Variants in SLC25A18 observed in about 807,000 individuals in gnomAD.
SLC25A18 encodes the protein solute carrier family 25 member 18.
A neutral mutation model predicts 31.1 loss-of-function variants in SLC25A18; 24 were observed. That is an observed-to-expected ratio of 0.77 (90% confidence interval 0.56 to 1.08). The LOEUF (loss-of-function observed/expected upper bound fraction) is 1.08, where lower values mean the gene tolerates loss of function less well. Ranked by LOEUF, SLC25A18 falls within the 50% of genes least tolerant of loss-of-function variation. The pLI, the probability that SLC25A18 is intolerant of heterozygous loss-of-function variation, is 0.00. For synonymous variants in SLC25A18, 173 were observed against 161.9 expected (o/e 1.07, Z -0.52); for missense variants, 371 against 418.5 (o/e 0.89, Z 0.99).
intron 8 of SLC25A18, 128 bp from the exon 9 acceptor site, chr22:17,587,797 A>C: frequency 8.6e-7 from 1 of 1,162,962 alleles, no homozygotes; most frequent in Non-Finnish European, 1.2e-6. Flanking sequence ...GGGGCACAAA[A>C]GAAGGGATGA....
At chr22:17,575,292 C>G (rs416422) in intron 2 of SLC25A18, among the ~76,000 whole-genome samples, 58,402 of 152,006 alleles carry the variant, frequency 0.38, 11,651 homozygotes, top group African/African-American at 0.47. Context: ...ATTTATTAAG[C>G]ACTCTTTGGT....
chr22:17,575,427 T>C (rs1026177669), intron 2 of SLC25A18, among the ~76,000 whole-genome samples: 5 of 152,082 alleles, frequency 3.3e-5, no homozygotes, highest in Non-Finnish European at 5.9e-5. Flanking sequence ...AAGGCAGAAG[T>C]CTCTCCCGCC....
intron 6 of SLC25A18, 120 bp downstream of exon 6, chr22:17,582,773 C>T (rs1283548792): frequency 2.4e-6 from 2 of 849,436 alleles, no homozygotes; most frequent in African/African-American, 1.7e-5. Flanking sequence ...TATGTGCACA[C>T]ATGGCTGAGG....
At chr22:17,589,403 C>T (rs1345188683) in intron 9 of SLC25A18, among the ~76,000 whole-genome samples, 187 bp from the exon 10 acceptor site, 1 of 151,996 alleles carries the variant, frequency 6.6e-6, no homozygotes, top group Non-Finnish European at 1.5e-5. Flanking sequence ...GTCTCAAACT[C>T]CTGACCTTGT....
chr22:17,578,670 C>CCT (rs1473904796), intron 2 of SLC25A18, among the ~76,000 whole-genome samples: 1 of 152,230 alleles, frequency 6.6e-6, no homozygotes, highest in Non-Finnish European at 1.5e-5. Flanking sequence ...GTGGCTCACA[C>CCT]CTGTAATCCC....
In SLC25A18 at chr22:17,582,655, T is replaced by C; in HGVS notation, c.290+2T>C. The C allele has an allele frequency of 6.3e-7, 1 of 1,597,842 alleles. No individual in the cohort carries two copies. The highest frequency in any genetic ancestry group is 8.5e-7 in the Non-Finnish European group (1 of 1,171,482). ...CCGGCGGCTGCTCATGGAAGATGGGTATGGCCAGGTGGGGTGGGGTTGGAT... is the reference window on the plus strand; with the variant it reads ...CCGGCGGCTGCTCATGGAAGATGGGCATGGCCAGGTGGGGTGGGGTTGGAT... On this transcript the variant is annotated splice_donor_variant, in intron 6 of 10. Coordinates refer to ENST00000327451, the MANE Select transcript of SLC25A18 (RefSeq NM_031481.3). LOFTEE classifies it high-confidence loss of function.
At chr22:17,578,386 G>A (rs1255390479) in intron 2 of SLC25A18, among the ~76,000 whole-genome samples, 2 of 152,250 alleles carry the variant, frequency 1.3e-5, no homozygotes, top group Non-Finnish European at 2.9e-5. Flanking sequence ...GTAGCACCAA[G>A]AGAAAGACTA....
At chr22:17,567,921 C>A (rs962637092) in intron 1 of SLC25A18, among the ~76,000 whole-genome samples, 1 of 151,866 alleles carries the variant, frequency 6.6e-6, no homozygotes, top group Non-Finnish European at 1.5e-5. Context: ...AGTTTTGTCA[C>A]GAGAGTATAC....
At chr22:17,587,749 A>C in intron 8 of SLC25A18, 176 bp from the exon 9 acceptor site, 1 of 703,504 alleles carries the variant, frequency 1.4e-6, no homozygotes, top group Non-Finnish European at 2.3e-6. Flanking sequence ...AGATGGCAAC[A>C]GCTCTTTTGT....
intron 3 of SLC25A18, 57 bp downstream of exon 3, chr22:17,580,021 T>C: frequency 6.5e-7 from 1 of 1,541,908 alleles, no homozygotes. Flanking sequence ...GGAGAGTCGC[T>C]GTGGTGATAG....
chr22:17,582,492 C>A, intron 5 of SLC25A18, 71 bp from the exon 6 acceptor site: 1 of 1,353,064 alleles, frequency 7.4e-7, no homozygotes, highest in Non-Finnish European at 1.0e-6. Flanking sequence ...CTGGCTAGGG[C>A]TGAAGGGCAG....
rs750509915 is a variant in SLC25A18, at chr22:17,583,401, C to T, written c.291-15C>T. On this transcript the variant is annotated splice_polypyrimidine_tract_variant and intron_variant, in intron 6 of 10. Coordinates refer to ENST00000327451, the MANE Select transcript of SLC25A18 (RefSeq NM_031481.3). ...GTGGCCTGCGGCTGAAGGAGCCTGA[C>T]GCCTGTTCCCATAGGATGCAGCGGA... 1.5e-5 allele frequency: 25 copies of T among 1,613,656 alleles called. No homozygotes were observed. Among genetic ancestry groups the T allele is most frequent in the South Asian group, 3.3e-5 (3 of 91,090 alleles).
intron 2 of SLC25A18, among the ~76,000 whole-genome samples, chr22:17,571,803 G>A (rs1054905881): frequency 6.6e-6 from 1 of 151,156 alleles, no homozygotes; most frequent in Non-Finnish European, 1.5e-5. Flanking sequence ...CGGATCAGTT[G>A]AGGTGAGGAG....
At position 17,590,349 on chromosome 22, in the gene SLC25A18, T is replaced by G; in HGVS notation, c.*113T>G. 1.5e-6 allele frequency: 2 copies of G among 1,299,962 alleles called. No homozygotes were observed. Among genetic ancestry groups the G allele is most frequent in the Non-Finnish European group, 2.1e-6 (2 of 934,686 alleles). The allele number at this position is 1,299,962 out of a possible 1,614,324, so 80.5% of individuals were successfully genotyped here. A position where few individuals can be genotyped will look rare whatever the true frequency, so the allele number is the denominator to read the frequency against. ...CTCTGGCCTGCCTGGTCCTCTGCGT[T>G]GTAGTGCTACCTCAATCTCGGGAGA... On this transcript the variant is annotated 3_prime_UTR_variant, in exon 11 of 11. Transcript: ENST00000327451.
At chr22:17,575,806 T>C (rs2057216261) in intron 2 of SLC25A18, among the ~76,000 whole-genome samples, 1 of 152,216 alleles carries the variant, frequency 6.6e-6, no homozygotes, top group South Asian at 2.1e-4. Flanking sequence ...TTCTTCTCAA[T>C]ATGATTCAGT....
rs949344937 is a variant in SLC25A18 at position 17,590,369 on chromosome 22, G to C, written c.*133G>C. On this transcript the variant is annotated 3_prime_UTR_variant, in exon 11 of 11. Transcript: ENST00000327451. ...TGCGTTGTAGTGCTACCTCAATCTC[G>C]GGAGAAACAGCCCTATATTCTAACA... is the stretch of plus-strand genomic sequence containing the variant. 1 of 1,031,008 alleles carries C rather than the reference G, an allele frequency of 9.7e-7. No homozygotes were observed. The highest frequency in any genetic ancestry group is 1.6e-5 in the African/African-American group (1 of 62,578). The allele number at this position is 1,031,008 out of a possible 1,614,324, so 63.9% of individuals were successfully genotyped here. A position where few individuals can be genotyped will look rare whatever the true frequency, so the allele number is the denominator to read the frequency against.
rs1253648597 is a variant in SLC25A18 at position 17,589,306 on chromosome 22, G to A, written c.731-284G>A. The A allele has an allele frequency of 2.0e-5, 6 of 304,872 alleles. No individual in the cohort carries two copies. The East Asian group carries it at 5.4e-4, about 27-fold the overall frequency. 18.9% of individuals were successfully genotyped at this position (304,872 alleles called of 1,614,324 possible). On this transcript the variant is annotated intron_variant, in intron 9 of 10. Transcript: ENST00000327451. ...AGCGATTCTCCTGCCCCAGCCTCAT[G>A]AGTAGCTGGGACTACAGGAACGCGC... is the stretch of plus-strand genomic sequence containing the variant.
At position 17,579,862 on chromosome 22, in the gene SLC25A18, C is replaced by T; in HGVS notation, c.-83C>T. 1.9e-6 allele frequency: 3 copies of T among 1,551,550 alleles called. No homozygotes were observed. Among genetic ancestry groups the T allele is most frequent in the Non-Finnish European group, 2.6e-6 (3 of 1,146,114 alleles). On this transcript the variant is annotated 5_prime_UTR_variant, in exon 3 of 11. Coordinates refer to ENST00000327451, the MANE Select transcript of SLC25A18 (RefSeq NM_031481.3). Reference sequence around the variant, plus strand: ...ACGGGGCCAGAGCCAAGGAAGCTTCCACTTCTTCCCCCAGACAGCCCCAAC... The same window carrying T: ...ACGGGGCCAGAGCCAAGGAAGCTTCTACTTCTTCCCCCAGACAGCCCCAAC...
intron 6 of SLC25A18, among the ~76,000 whole-genome samples, chr22:17,583,122 T>G (rs1025381496): frequency 6.6e-6 from 1 of 152,186 alleles, no homozygotes; most frequent in African/African-American, 2.4e-5. Flanking sequence ...TCTCTGTGCC[T>G]CACATTGCCC....
Sources: allele counts gnomAD v4.1 joint callset (sites outside exome capture counted in the v4.1 genomes callset), GRCh38; gene constraint gnomAD v4.1.1; transcripts MANE v1.5; gene names NCBI Gene and HGNC (gene_info 2026-07-23, HGNC 2026-07-21).